ADCY1: variants seen among roughly 807,000 people sequenced by gnomAD.
ADCY1 encodes the protein adenylate cyclase 1.
A neutral mutation model predicts 105.4 loss-of-function variants in ADCY1; 28 were observed. That is an observed-to-expected ratio of 0.27 (90% CI 0.20 to 0.36). The LOEUF is 0.36. Ranked by LOEUF, ADCY1 falls within the 10% of genes least tolerant of loss-of-function variation. ADCY1 has a pLI of 1.00. For missense variants in ADCY1, 977 were observed against 1,434.2 expected, an observed-to-expected ratio of 0.68 and a Z score of 5.15; for synonymous variants, 655 against 623.8, an observed-to-expected ratio of 1.05 and a Z score of -0.75.
intron 4 of ADCY1, among the ~76,000 whole-genome samples, chr7:45,633,107 G>A (rs548883585): frequency 4.0e-5 from 6 of 151,782 alleles, no homozygotes; most frequent in South Asian, 2.1e-4. Context: ...TGGTAGAGAC[G>A]AGGTTTCACC....
intron 5 of ADCY1, among the ~76,000 whole-genome samples, chr7:45,654,842 G>T (rs1433581487): frequency 6.6e-6 from 1 of 152,180 alleles, no homozygotes; most frequent in African/African-American, 2.4e-5. Flanking sequence ...TCGAGAAGCT[G>T]CATTTTTACA....
chr7:45,669,078 A>G (rs943781186), intron 8 of ADCY1, among the ~76,000 whole-genome samples: 2 of 152,052 alleles, frequency 1.3e-5, no homozygotes, highest in African/African-American at 4.8e-5. Flanking sequence ...TTTCAAAAAA[A>G]CAGCTCCTGG....
intron 3 of ADCY1, among the ~76,000 whole-genome samples, chr7:45,612,397 C>G (rs1413093321): frequency 1.3e-5 from 2 of 152,170 alleles, no homozygotes; most frequent in African/African-American, 4.8e-5. Flanking sequence ...GAGTGGCAGG[C>G]TGGGACAGGA....
chr7:45,626,947 G>C (rs1033615847), intron 4 of ADCY1, among the ~76,000 whole-genome samples: 1 of 152,122 alleles, frequency 6.6e-6, no homozygotes, highest in Non-Finnish European at 1.5e-5. Flanking sequence ...GCACTAGAGG[G>C]CCAGAAGGAG....
At chr7:45,651,750 A>G (rs921892922) in intron 5 of ADCY1, among the ~76,000 whole-genome samples, 1 of 152,032 alleles carries the variant, frequency 6.6e-6, no homozygotes, top group African/African-American at 2.4e-5. Flanking sequence ...TTGCCCACTG[A>G]CTTCCTCTTT....
Position 45,648,659 on chromosome 7 carries a change from C to G in ADCY1, c.1021-11C>G. 1.9e-6 allele frequency: 3 copies of G among 1,614,120 alleles called. No homozygotes were observed. Among genetic ancestry groups the G allele is most frequent in the Non-Finnish European group, 2.5e-6 (3 of 1,179,972 alleles). On this transcript the variant is annotated splice_polypyrimidine_tract_variant and intron_variant, in intron 4 of 19. Coordinates refer to ENST00000297323, the MANE Select transcript of ADCY1 (RefSeq NM_021116.4). ...GCTGTCTCTTACCATGTGCCTTGCCCTTCCCTGAAGGAGAACCACTGTCGC... is the reference window on the plus strand; with the variant it reads ...GCTGTCTCTTACCATGTGCCTTGCCGTTCCCTGAAGGAGAACCACTGTCGC...
At position 45,708,127 on chromosome 7, in the gene ADCY1, T is replaced by C. The variant is rs1005674188; in HGVS notation, c.2818-223T>C. The stretch of plus-strand genomic sequence containing the variant: ...CCTGCCCTATTCCTGCAGGCAGCCT[T>C]GGGTGGGCCCTGTCTCTGCCCCTCA... On this transcript the variant is annotated intron_variant, in intron 17 of 19. Coordinates refer to ENST00000297323, the MANE Select transcript of ADCY1 (RefSeq NM_021116.4). The surrounding 1 kb of genome is among the most constrained non-coding windows in gnomAD (Gnocchi z 4.7). 1.3e-5 allele frequency among the ~76,000 whole-genome samples: 2 copies of C among 152,222 alleles called. No individual in the cohort carries two copies. The highest frequency in any genetic ancestry group is 4.8e-5 in the African/African-American group (2 of 41,466).
chr7:45,620,251 A>G (rs1162361983), intron 3 of ADCY1, among the ~76,000 whole-genome samples: 3 of 152,184 alleles, frequency 2.0e-5, no homozygotes, highest in Non-Finnish European at 4.4e-5. Flanking sequence ...GGAGGAAGAA[A>G]TGGGGAATTA....
chr7:45,696,438 C>CAAAAAAA (rs11365338), intron 14 of ADCY1, among the ~76,000 whole-genome samples: 2 of 73,926 alleles, frequency 2.7e-5, no homozygotes, highest in African/African-American at 5.7e-5. Flanking sequence ...TACTCCATCT[C>CAAAAAAA]AAAAAAAAAA....
chr7:45,659,959 G>A, intron 6 of ADCY1, 83 bp from the exon 7 acceptor site: 2 of 1,553,754 alleles, frequency 1.3e-6, no homozygotes, highest in Non-Finnish European at 8.8e-7. Flanking sequence ...CTCTGTCTGT[G>A]CCCCTTCCCC....
At chr7:45,609,890 G>A (rs1793485135) in intron 2 of ADCY1, among the ~76,000 whole-genome samples, 1 of 152,176 alleles carries the variant, frequency 6.6e-6, no homozygotes, top group South Asian at 2.1e-4. Flanking sequence ...CACAGCTAAG[G>A]GAGAAGTAAG....
intron 4 of ADCY1, 44 bp downstream of exon 4, chr7:45,622,787 T>A: frequency 2.7e-6 from 4 of 1,504,762 alleles, no homozygotes; most frequent in Non-Finnish European, 2.7e-6. Context: ...TTAGAATTGC[T>A]TCTGGAGTGA....
chr7:45,679,256 C>T (rs902651171), intron 10 of ADCY1, among the ~76,000 whole-genome samples: 4 of 152,328 alleles, frequency 2.6e-5, no homozygotes, highest in Admixed American at 6.5e-5. Context: ...GCATCCTGCC[C>T]AGCCCACAGA....
chr7:45,599,999 C>T (rs933493280), intron 2 of ADCY1, among the ~76,000 whole-genome samples: 1 of 152,124 alleles, frequency 6.6e-6, no homozygotes, highest in African/African-American at 2.4e-5. Flanking sequence ...ACATGTGGCT[C>T]CTGGACACAC....
chr7:45,658,290 C>T (rs1257789129), intron 6 of ADCY1, among the ~76,000 whole-genome samples: 3 of 152,146 alleles, frequency 2.0e-5, no homozygotes, highest in African/African-American at 7.2e-5. Context: ...AGCTCCTTCT[C>T]CACCCCCAAG....
intron 8 of ADCY1, among the ~76,000 whole-genome samples, chr7:45,671,732 G>A (rs1009734919): frequency 1.3e-5 from 2 of 152,046 alleles, no homozygotes; most frequent in Admixed American, 6.5e-5. Context: ...CTTGCCCTTT[G>A]GTGAACTGTC....
Position 45,714,091 on chromosome 7 carries a change from C to G in ADCY1, c.*96C>G. 1.6e-6 allele frequency: 1 copy of G among 631,628 alleles called. No individual in the cohort carries two copies. Among genetic ancestry groups the G allele is most frequent in the South Asian group, 1.9e-5 (1 of 54,036 alleles). The allele number at this position is 631,628 out of a possible 1,614,324, so 39.1% of individuals were successfully genotyped here. On this transcript the variant is annotated 3_prime_UTR_variant, in exon 20 of 20. Transcript: ENST00000297323. ...CTCCAGCCAGGACCAGCCAGACCAG[C>G]AGAGCAGGGAGCCACTTGCCAGGGT... is the stretch of plus-strand genomic sequence containing the variant.
At chr7:45,614,534 C>T (rs77350333) in intron 3 of ADCY1, among the ~76,000 whole-genome samples, 9,587 of 152,206 alleles carry the variant, frequency 0.063, 308 homozygotes, top group Non-Finnish European at 0.067. Context: ...CAATAGTAAG[C>T]CATTCCCTAT....
At chr7:45,669,392 G>A (rs1181606391) in intron 8 of ADCY1, among the ~76,000 whole-genome samples, 1 of 152,186 alleles carries the variant, frequency 6.6e-6, no homozygotes, top group Admixed American at 6.5e-5. Context: ...TATGTACCCA[G>A]TAGTCATTCA....
Sources: allele counts gnomAD v4.1 joint callset (sites outside exome capture counted in the v4.1 genomes callset), GRCh38; gene constraint gnomAD v4.1.1; non-coding constraint Gnocchi (gnomAD v3.1); transcripts MANE v1.5; gene names NCBI Gene and HGNC (gene_info 2026-07-23, HGNC 2026-07-21).